The following ASAP2 variants were observed in gnomAD, a reference collection of about 807,000 sequenced individuals.
The protein encoded by ASAP2 is arf-GAP with SH3 domain, ANK repeat and PH domain-containing protein 2.
In ASAP2, 45 loss-of-function variants were observed where a neutral mutation model predicts 131.4. The ratio of observed to expected loss-of-function variants is 0.34; its 90% CI spans 0.27 to 0.44. The LOEUF (loss-of-function observed/expected upper bound fraction) is 0.44, where lower values mean the gene tolerates loss of function less well. Ranked by LOEUF, ASAP2 falls within the 20% of genes least tolerant of loss-of-function variation. The pLI, the probability that ASAP2 is intolerant of heterozygous loss-of-function variation, is 1.00. For synonymous variants in ASAP2, 510 were observed against 503.0 expected (o/e 1.01, Z -0.19); for missense variants, 1,011 against 1,297.0 (o/e 0.78, Z 3.39).
At chr2:9,361,974 C>CGTGTGTGTGT (rs70948815) in intron 15 of ASAP2, among the ~76,000 whole-genome samples, 13,142 of 143,130 alleles carry the variant, frequency 0.092, 694 homozygotes, top group Non-Finnish European at 0.12. Context: ...TCTTTCTCTG[C>CGTGTGTGTGT]GTGTGTGTGT....
intron 1 of ASAP2, chr2:9,271,304 A>G (rs1261698108): frequency 5.9e-6 from 5 of 854,036 alleles, no homozygotes; most frequent in Non-Finnish European, 8.1e-6. Flanking sequence ...ATGAATCTTC[A>G]GCTGATCGTC....
At chr2:9,351,718 A>C (rs920855553) in intron 12 of ASAP2, among the ~76,000 whole-genome samples, 41 of 152,150 alleles carry the variant, frequency 2.7e-4, no homozygotes, top group African/African-American at 9.9e-4. Context: ...GTTGACCTGT[A>C]TTATTGAGGG....
rs1410949583 is a variant in ASAP2, at chr2:9,385,431, A to C, written c.2130+73A>C. The C allele has an allele frequency of 7.8e-6, 9 of 1,149,534 alleles. No homozygotes were observed. In the East Asian group the frequency reaches 2.1e-4, roughly 27 times the overall value. The allele number at this position is 1,149,534 out of a possible 1,614,324, so 71.2% of individuals were successfully genotyped here. On this transcript the variant is annotated intron_variant, in intron 21 of 27. Transcript: ENST00000281419. Reference sequence around the variant, plus strand: ...AGAACAGTGTGGGTCCTAATCTGTAATTAAGGCAGAAAGCTGTTTTATAGA... The same window carrying C: ...AGAACAGTGTGGGTCCTAATCTGTACTTAAGGCAGAAAGCTGTTTTATAGA...
chr2:9,317,347 C>T (rs1485002595), intron 3 of ASAP2, among the ~76,000 whole-genome samples: 1 of 142,806 alleles, frequency 7.0e-6, no homozygotes, highest in African/African-American at 2.6e-5. Context: ...TCACACACAC[C>T]CTCACACAAT....
intron 3 of ASAP2, among the ~76,000 whole-genome samples, chr2:9,304,238 G>A (rs1195843260): frequency 6.6e-6 from 1 of 152,188 alleles, no homozygotes; most frequent in Non-Finnish European, 1.5e-5. Flanking sequence ...ATTGTCAAAT[G>A]TGTGTAGGAC....
chr2:9,351,789 C>T (rs1197762812), intron 12 of ASAP2, among the ~76,000 whole-genome samples: 1 of 152,196 alleles, frequency 6.6e-6, no homozygotes, highest in African/African-American at 2.4e-5. Context: ...ATTATCACTC[C>T]ACCTCACCCA....
chr2:9,260,805 C>T (rs567105418), intron 1 of ASAP2, among the ~76,000 whole-genome samples: 6 of 152,224 alleles, frequency 3.9e-5, no homozygotes, highest in African/African-American at 1.2e-4. Context: ...TTTAATTTTC[C>T]CTCTGAAAAG....
intron 15 of ASAP2, among the ~76,000 whole-genome samples, chr2:9,364,525 TA>T (rs1380220154): frequency 6.6e-6 from 1 of 152,066 alleles, no homozygotes; most frequent in African/African-American, 2.4e-5. Flanking sequence ...AACATCAAAT[TA>T]AAAAACAGGC....
At position 9,296,093 on chromosome 2, in the gene ASAP2, GC is replaced by G. The variant is rs141617855; in HGVS notation, c.200-1206del. Among the ~76,000 whole-genome samples, 837 of 152,300 alleles carry G rather than the reference GC, an allele frequency of 5.5e-3. 8 individuals are homozygous for G. Among genetic ancestry groups the G allele is most frequent in the African/African-American group, 0.015 (616 of 41,576 alleles). On this transcript the variant is annotated intron_variant, in intron 2 of 27. Coordinates refer to ENST00000281419, the MANE Select transcript of ASAP2 (RefSeq NM_003887.3). ...TTGGTGGAGGAGCTGCAGCACTAAG[GC>G]TGTCTCTGGTGGAGTTCACATCCAG... is the stretch of plus-strand genomic sequence containing the variant.
chr2:9,297,277 G>A (rs776583391), intron 2 of ASAP2, 23 bp from the exon 3 acceptor site: 7 of 1,609,782 alleles, frequency 4.3e-6, no homozygotes, highest in Non-Finnish European at 5.1e-6. Flanking sequence ...GAGACTCACA[G>A]CACCTCCGTC....
chr2:9,307,442 T>C (rs1669017097), intron 3 of ASAP2, among the ~76,000 whole-genome samples: 1 of 152,172 alleles, frequency 6.6e-6, no homozygotes, highest in African/African-American at 2.4e-5. Flanking sequence ...AAAAGTACTT[T>C]CATTTCTGGT....
intron 1 of ASAP2, among the ~76,000 whole-genome samples, chr2:9,252,100 C>G (rs937162156): frequency 6.6e-6 from 1 of 152,194 alleles, no homozygotes. Context: ...CTTCGTGTCA[C>G]AAAAGCCGTT....
intron 16 of ASAP2, 40 bp from the exon 17 acceptor site, chr2:9,374,715 A>G (rs1320518356): frequency 6.5e-7 from 1 of 1,544,430 alleles, no homozygotes; most frequent in Admixed American, 1.9e-5. Context: ...GGCGGGTAGA[A>G]GCCCTTCATG....
chr2:9,394,960 C>T (rs1396974433), intron 24 of ASAP2, among the ~76,000 whole-genome samples: 1 of 152,226 alleles, frequency 6.6e-6, no homozygotes, highest in African/African-American at 2.4e-5. Context: ...GCCAGAGCCT[C>T]AGCTGGGCTG....
chr2:9,258,985 C>A (rs1275023896), intron 1 of ASAP2, among the ~76,000 whole-genome samples: 1 of 152,158 alleles, frequency 6.6e-6, no homozygotes, highest in African/African-American at 2.4e-5. Flanking sequence ...CGGGGCCAGA[C>A]CAGGACCCTG....
chr2:9,399,891 G>A, intron 24 of ASAP2, 132 bp from the exon 25 acceptor site: 2 of 843,476 alleles, frequency 2.4e-6, no homozygotes, highest in Non-Finnish European at 3.8e-6. Context: ...AAAAGAGACA[G>A]CTAAGTGACA....
chr2:9,328,372 G>A (rs1670609946), intron 7 of ASAP2, among the ~76,000 whole-genome samples: 2 of 152,008 alleles, frequency 1.3e-5, no homozygotes, highest in Non-Finnish European at 2.9e-5. Context: ...AAAAATAAAA[G>A]CATATATACA....
chr2:9,319,621 G>A (rs1670026890), intron 4 of ASAP2, among the ~76,000 whole-genome samples: 1 of 152,208 alleles, frequency 6.6e-6, no homozygotes, highest in Non-Finnish European at 1.5e-5. Context: ...GTGGCACTTG[G>A]GCCTTACCTG....
intron 6 of ASAP2, among the ~76,000 whole-genome samples, chr2:9,324,851 A>G (rs1296047105): frequency 1.3e-5 from 2 of 152,206 alleles, no homozygotes; most frequent in Non-Finnish European, 1.5e-5. Flanking sequence ...TAGCTGGATC[A>G]TGTTTTTCTT....
Sources: allele counts gnomAD v4.1 joint callset (sites outside exome capture counted in the v4.1 genomes callset), GRCh38; gene constraint gnomAD v4.1.1; transcripts MANE v1.5; gene names NCBI Gene and HGNC (gene_info 2026-07-23, HGNC 2026-07-21).